Variants in SLC9A9 observed in about 807,000 individuals in gnomAD.
SLC9A9 encodes sodium/hydrogen exchanger 9.
A neutral mutation model predicts 77.8 loss-of-function variants in SLC9A9; 62 were observed. The observed-to-expected ratio is 0.80, with a 90% CI of 0.65 to 0.98. SLC9A9 has a LOEUF of 0.98. Among genes scored for constraint, SLC9A9 ranks in the 50% least tolerant of loss-of-function variants. SLC9A9 has a pLI of 0.00. For synonymous variants in SLC9A9, 320 were observed against 283.5 expected (o/e 1.13, Z -1.29); for missense variants, 775 against 774.9 (o/e 1.00, Z 0.00).
chr3:143,733,108 AG>A (rs1440042364), intron 4 of SLC9A9, among the ~76,000 whole-genome samples: 1 of 152,170 alleles, frequency 6.6e-6, no homozygotes, highest in Non-Finnish European at 1.5e-5. Context: ...ATCTCAGGTC[AG>A]TTTGGGCTTC....
At chr3:143,694,269 A>G (rs1318877298) in intron 4 of SLC9A9, among the ~76,000 whole-genome samples, 3 of 152,174 alleles carry the variant, frequency 2.0e-5, no homozygotes. Context: ...ACGTTAAAAA[A>G]AAGTATCACT....
chr3:143,379,601 A>G (rs184814100), intron 13 of SLC9A9, among the ~76,000 whole-genome samples: 2 of 152,344 alleles, frequency 1.3e-5, no homozygotes, highest in East Asian at 3.9e-4. Context: ...TGATAACGCT[A>G]CTTACTTAAC....
At chr3:143,493,785 A>G in intron 10 of SLC9A9, 21 bp from the exon 11 acceptor site, 1 of 1,531,576 alleles carries the variant, frequency 6.5e-7, no homozygotes, top group South Asian at 1.1e-5. Flanking sequence ...GCACAGGGAA[A>G]CATTGAGGAA....
At chr3:143,726,397 A>AT (rs1934657774) in intron 4 of SLC9A9, among the ~76,000 whole-genome samples, 1 of 152,156 alleles carries the variant, frequency 6.6e-6, no homozygotes, top group African/African-American at 2.4e-5. Context: ...AATGAGATAT[A>AT]AGTTTGTTGG....
chr3:143,534,909 CT>C (rs1299443568), intron 9 of SLC9A9, among the ~76,000 whole-genome samples: 1 of 152,096 alleles, frequency 6.6e-6, no homozygotes, highest in African/African-American at 2.4e-5. Context: ...AAAACAGTCA[CT>C]TTTTTGTACT....
At chr3:143,635,688 T>C (rs139943280) in intron 6 of SLC9A9, among the ~76,000 whole-genome samples, 1 of 152,324 alleles carries the variant, frequency 6.6e-6, no homozygotes, top group African/African-American at 2.4e-5. Flanking sequence ...CAGACTATTT[T>C]CCCCATTTTC....
chr3:143,687,755 G>T (rs1179630698), intron 5 of SLC9A9, among the ~76,000 whole-genome samples: 1 of 151,414 alleles, frequency 6.6e-6, no homozygotes, highest in Non-Finnish European at 1.5e-5. Context: ...AAAAAAAGAA[G>T]TTGGAAGCAA....
intron 12 of SLC9A9, among the ~76,000 whole-genome samples, chr3:143,392,451 C>G (rs2033596020): frequency 6.6e-6 from 1 of 152,148 alleles, no homozygotes; most frequent in African/African-American, 2.4e-5. Flanking sequence ...CTGAAGGAAG[C>G]ACTAAACATG....
intron 13 of SLC9A9, among the ~76,000 whole-genome samples, chr3:143,378,975 T>C (rs61301417): frequency 0.11 from 16,504 of 151,956 alleles, 989 homozygotes; most frequent in East Asian, 0.16. Context: ...CAAAAGTTAT[T>C]TTACTTTCCA....
chr3:143,424,204 T>C (rs1344022410), intron 12 of SLC9A9, among the ~76,000 whole-genome samples: 1 of 151,850 alleles, frequency 6.6e-6, no homozygotes, highest in Non-Finnish European at 1.5e-5. Context: ...TATTTGAAAG[T>C]GATGAAGGAT....
At chr3:143,366,398 T>C (rs1404679945) in intron 13 of SLC9A9, among the ~76,000 whole-genome samples, 1 of 152,232 alleles carries the variant, frequency 6.6e-6, no homozygotes, top group Admixed American at 6.5e-5. Flanking sequence ...AAGGTAACAA[T>C]TGGAATTTTA....
intron 12 of SLC9A9, among the ~76,000 whole-genome samples, chr3:143,411,640 T>G (rs2034097924): frequency 1.3e-5 from 2 of 152,290 alleles, no homozygotes; most frequent in Admixed American, 1.3e-4. Context: ...GTACTCTAAT[T>G]ATATCTTTGT....
chr3:143,758,870 C>T (rs2007018904), intron 4 of SLC9A9, among the ~76,000 whole-genome samples: 1 of 152,072 alleles, frequency 6.6e-6, no homozygotes, highest in South Asian at 2.1e-4. Flanking sequence ...TGAGAGGTTA[C>T]TAACAAGTTT....
intron 6 of SLC9A9, among the ~76,000 whole-genome samples, chr3:143,610,893 T>A (rs2038012595): frequency 6.6e-6 from 1 of 152,132 alleles, no homozygotes; most frequent in African/African-American, 2.4e-5. Flanking sequence ...CCTGCTCCAG[T>A]CCCTCTTTCT....
chr3:143,512,902 A>G (rs1361496148), intron 9 of SLC9A9, among the ~76,000 whole-genome samples: 5 of 152,176 alleles, frequency 3.3e-5, no homozygotes, highest in African/African-American at 1.2e-4. Flanking sequence ...AACAAAGCAA[A>G]CAAAAGAAAT....
chr3:143,677,450 T>C (rs899079897), intron 5 of SLC9A9, among the ~76,000 whole-genome samples: 2 of 147,520 alleles, frequency 1.4e-5, no homozygotes, highest in African/African-American at 5.0e-5. Flanking sequence ...ATCTTAAAAA[T>C]GTTGCAGTAC....
intron 9 of SLC9A9, among the ~76,000 whole-genome samples, chr3:143,511,993 G>C (rs1292001988): frequency 6.6e-6 from 1 of 152,174 alleles, no homozygotes; most frequent in Non-Finnish European, 1.5e-5. Context: ...AAAGGGTAAA[G>C]TCACAAAACA....
intron 8 of SLC9A9, among the ~76,000 whole-genome samples, chr3:143,559,982 G>A (rs1171148515): frequency 2.6e-5 from 4 of 152,168 alleles, no homozygotes; most frequent in African/African-American, 7.2e-5. Flanking sequence ...TGCCTTGCCT[G>A]TTCTTGTCAC....
chr3:143,347,337 G>A (rs563128988), intron 14 of SLC9A9, among the ~76,000 whole-genome samples: 18 of 152,300 alleles, frequency 1.2e-4, no homozygotes, highest in African/African-American at 4.1e-4. Context: ...AGCAGAAATA[G>A]TTTTGTTTGT....
Sources: allele counts gnomAD v4.1 joint callset (sites outside exome capture counted in the v4.1 genomes callset), GRCh38; gene constraint gnomAD v4.1.1; transcripts MANE v1.5; gene names NCBI Gene and HGNC (gene_info 2026-07-23, HGNC 2026-07-21).